RIC8B: variants seen among roughly 807,000 people sequenced by gnomAD.
RIC8B encodes the protein RIC8 guanine nucleotide exchange factor B.
RIC8B carries 16 observed loss-of-function variants against 57.5 expected under a neutral mutation model. The ratio of observed to expected loss-of-function variants is 0.28; its 90% CI spans 0.19 to 0.42. The LOEUF (loss-of-function observed/expected upper bound fraction) is 0.42. Ranked by LOEUF, RIC8B falls within the 10% of genes least tolerant of loss-of-function variation. The pLI is 1.00. For missense variants in RIC8B, 481 were observed against 677.0 expected (o/e 0.71, Z 3.21); for synonymous variants, 216 against 250.8 (o/e 0.86, Z 1.31).
chr12:106,884,800 T>C (rs1002680893), intron 9 of RIC8B, among the ~76,000 whole-genome samples: 4 of 152,208 alleles, frequency 2.6e-5, no homozygotes, highest in Non-Finnish European at 5.9e-5. Context: ...ATTACACTAC[T>C]GTGTGGCTGC....
chr12:106,796,167 G>C (rs1187967664), intron 2 of RIC8B, among the ~76,000 whole-genome samples: 2 of 152,146 alleles, frequency 1.3e-5, no homozygotes, highest in East Asian at 3.9e-4. Context: ...AAATTCATAT[G>C]AATTTTTGAC....
chr12:106,785,034 G>T (rs1445892845), intron 2 of RIC8B, among the ~76,000 whole-genome samples: 1 of 152,098 alleles, frequency 6.6e-6, no homozygotes, highest in East Asian at 1.9e-4. Flanking sequence ...ATAACAATCT[G>T]ACCATGTCAT....
Position 106,839,394 on chromosome 12 carries a change from C to T in RIC8B, c.837-3195C>T, listed in dbSNP as rs79346773. On this transcript the variant is annotated intron_variant, in intron 4 of 9. Transcript: ENST00000392837. ...AAGGAAATCCCATCACTTGGAACAA[C>T]ATGGGTGGATCTGGAGGGCATTATG... is the stretch of plus-strand genomic sequence containing the variant. 6.8e-3 allele frequency among the ~76,000 whole-genome samples: 1,040 copies of T among 152,286 alleles called. 13 individuals carry two copies. The highest frequency in any genetic ancestry group is 0.024 in the African/African-American group (1,007 of 41,556).
At chr12:106,836,613 A>G (rs919286119) in intron 4 of RIC8B, among the ~76,000 whole-genome samples, 45 of 152,194 alleles carry the variant, frequency 3.0e-4, no homozygotes, top group African/African-American at 1.1e-3. Context: ...TATCGAATGA[A>G]CCACTTCACT....
chr12:106,837,634 C>CTTTTTT (rs1298629651), intron 4 of RIC8B, among the ~76,000 whole-genome samples: 7 of 122,162 alleles, frequency 5.7e-5, no homozygotes, highest in African/African-American at 9.6e-5. Context: ...ATCTGAAAAT[C>CTTTTTT]TTTTGTTTTT....
At chr12:106,813,922 G>T (rs1391794169) in intron 2 of RIC8B, among the ~76,000 whole-genome samples, 3 of 152,058 alleles carry the variant, frequency 2.0e-5, no homozygotes, top group Non-Finnish European at 4.4e-5. Context: ...TTTGACAATG[G>T]TATAAAAAAA....
At chr12:106,792,165 T>TC in intron 2 of RIC8B, among the ~76,000 whole-genome samples, 1 of 152,344 alleles carries the variant, frequency 6.6e-6, no homozygotes, top group East Asian at 1.9e-4. Flanking sequence ...AAAGTTCCTG[T>TC]CCAGCTGGAA....
chr12:106,805,330 A>G (rs551410945), intron 2 of RIC8B, among the ~76,000 whole-genome samples: 11 of 152,214 alleles, frequency 7.2e-5, no homozygotes, highest in African/African-American at 2.4e-4. Flanking sequence ...CATTCAGTCA[A>G]TTCTGCACCC....
chr12:106,832,793 T>G (rs1566104792), intron 4 of RIC8B, among the ~76,000 whole-genome samples: 1 of 152,192 alleles, frequency 6.6e-6, no homozygotes. Context: ...TACCTATAAG[T>G]GTACTGTAAA....
chr12:106,806,408 A>G (rs1338280899), intron 2 of RIC8B, among the ~76,000 whole-genome samples: 3 of 152,270 alleles, frequency 2.0e-5, no homozygotes, highest in South Asian at 4.1e-4. Flanking sequence ...TCCTCTTGCT[A>G]ATACCTCTTT....
chr12:106,855,655 C>A (rs1016794092), intron 7 of RIC8B, among the ~76,000 whole-genome samples: 1 of 152,174 alleles, frequency 6.6e-6, no homozygotes, highest in Admixed American at 6.5e-5. Flanking sequence ...TTTGACCTCT[C>A]TTCTTTCTTT....
chr12:106,818,024 C>T (rs1463086085), intron 3 of RIC8B, among the ~76,000 whole-genome samples: 2 of 152,080 alleles, frequency 1.3e-5, no homozygotes. Context: ...ACTTATTGTA[C>T]AGAAGAATCC....
At chr12:106,858,827 C>T (rs866495790) in intron 7 of RIC8B, among the ~76,000 whole-genome samples, 3 of 152,056 alleles carry the variant, frequency 2.0e-5, no homozygotes, top group Non-Finnish European at 4.4e-5. Context: ...CACTTATTTT[C>T]GGTGTCGTGA....
chr12:106,854,895 A>G (rs1949651089), intron 7 of RIC8B, among the ~76,000 whole-genome samples: 2 of 152,220 alleles, frequency 1.3e-5, no homozygotes, highest in African/African-American at 4.8e-5. Context: ...GCCAGGCCCA[A>G]CGGTATCTCC....
intron 1 of RIC8B, among the ~76,000 whole-genome samples, chr12:106,782,743 T>G (rs982197803): frequency 6.6e-6 from 1 of 152,234 alleles, no homozygotes; most frequent in African/African-American, 2.4e-5. Flanking sequence ...AACATTTCTC[T>G]ATCTTCTTTA....
At chr12:106,778,552 G>A (rs1224530674) in intron 1 of RIC8B, among the ~76,000 whole-genome samples, 10 of 152,028 alleles carry the variant, frequency 6.6e-5, no homozygotes, top group Non-Finnish European at 1.0e-4. Context: ...TTCACATTTC[G>A]TATGTCATCT....
At chr12:106,779,884 T>A (rs1034683031) in intron 1 of RIC8B, among the ~76,000 whole-genome samples, 28 of 102,388 alleles carry the variant, frequency 2.7e-4, no homozygotes, top group Middle Eastern at 4.2e-3. Flanking sequence ...TTTTTTTTTT[T>A]TTTTTGTGTG....
At chr12:106,783,303 AC>A (rs1363303176) in intron 1 of RIC8B, among the ~76,000 whole-genome samples, 1 of 152,072 alleles carries the variant, frequency 6.6e-6, no homozygotes, top group Non-Finnish European at 1.5e-5. Flanking sequence ...AACTAGGTAC[AC>A]CCTGTTTTCA....
chr12:106,774,683 C>A lies in RIC8B; in HGVS notation c.-63C>A, dbSNP rs1488190109. 5 of 1,322,346 alleles carry A rather than the reference C, an allele frequency of 3.8e-6. No homozygotes were observed. The East Asian group carries it at 1.0e-4, about 27-fold the overall frequency. 81.9% of individuals were successfully genotyped at this position (1,322,346 alleles called of 1,614,324 possible). A position where few individuals can be genotyped will look rare whatever the true frequency, so the allele number is the denominator to read the frequency against. ...GGAAGGAGCGAGCGGGGGCGCGAGG[C>A]GTTTACCTGGAGGCAGCGGCTTGGG... On this transcript the variant is annotated 5_prime_UTR_variant, in exon 1 of 10. Coordinates refer to ENST00000392837, the MANE Select transcript of RIC8B (RefSeq NM_001330145.2).
Sources: allele counts gnomAD v4.1 joint callset (sites outside exome capture counted in the v4.1 genomes callset), GRCh38; gene constraint gnomAD v4.1.1; transcripts MANE v1.5; gene names NCBI Gene and HGNC (gene_info 2026-07-23, HGNC 2026-07-21).